Variants in SEMA5B observed in about 807,000 individuals in gnomAD.
The protein encoded by SEMA5B is semaphorin 5B, also known as semaphorin-5B.
Under a neutral mutation model 135.0 loss-of-function variants are expected in SEMA5B, and 66 were observed. That is an observed-to-expected ratio of 0.49 (90% CI 0.40 to 0.60). SEMA5B has a LOEUF of 0.60. Ranked by LOEUF, SEMA5B falls within the 20% of genes least tolerant of loss-of-function variation. The pLI, the probability that SEMA5B is intolerant of heterozygous loss-of-function variation, is 0.00. For synonymous variants in SEMA5B, 690 were observed against 639.5 expected (o/e 1.08, Z -1.19); for missense variants, 1,501 against 1,566.3 (o/e 0.96, Z 0.70).
At chr3:122,940,366 G>C (rs746975309) in intron 4 of SEMA5B, among the ~76,000 whole-genome samples, 1 of 152,216 alleles carries the variant, frequency 6.6e-6, no homozygotes, top group Non-Finnish European at 1.5e-5. Context: ...GTACAATGGG[G>C]AAGTGAATGG....
intron 1 of SEMA5B, among the ~76,000 whole-genome samples, chr3:122,972,196 G>A (rs768333013): frequency 3.9e-5 from 6 of 152,200 alleles, no homozygotes; most frequent in Non-Finnish European, 7.3e-5. Flanking sequence ...GGAATAGGCC[G>A]ACAGTTGGTG....
intron 12 of SEMA5B, among the ~76,000 whole-genome samples, chr3:122,916,104 T>C (rs111885818): frequency 3.9e-4 from 59 of 152,314 alleles, no homozygotes; most frequent in African/African-American, 1.4e-3. Flanking sequence ...CCCAATGAAG[T>C]GGGTACTGTT....
At chr3:122,946,475 G>A (rs1939796339) in intron 3 of SEMA5B, among the ~76,000 whole-genome samples, 1 of 152,124 alleles carries the variant, frequency 6.6e-6, no homozygotes, top group Non-Finnish European at 1.5e-5. Flanking sequence ...GGGGCTTGGA[G>A]GCTGGGGTTG....
chr3:122,912,968 C>CGGGAGCA lies in SEMA5B; in HGVS notation c.2593_2599dup (p.Arg867LeufsTer18), dbSNP rs772450506. On this transcript the variant is annotated frameshift_variant, in exon 18 of 23. Transcript: ENST00000357599. LOFTEE classifies it high-confidence loss of function. ...GACGCGGAAGCCCAGCTCGCAGTCC[C>CGGGAGCA]GGGAGCAGGACGACCACGGGCCCCA... is the stretch of plus-strand genomic sequence containing the variant. 1 of 1,611,742 alleles carries CGGGAGCA rather than the reference C, an allele frequency of 6.2e-7. No homozygotes were observed. Among genetic ancestry groups the CGGGAGCA allele is most frequent in the South Asian group, 1.1e-5 (1 of 90,946 alleles).
intron 1 of SEMA5B, among the ~76,000 whole-genome samples, chr3:122,986,859 A>C (rs1941716491): frequency 6.6e-6 from 1 of 152,176 alleles, no homozygotes. Flanking sequence ...TGCACTTTCC[A>C]TGAGAATGGG....
At chr3:123,017,380 A>G (rs1389464027) in intron 1 of SEMA5B, among the ~76,000 whole-genome samples, 6 of 152,104 alleles carry the variant, frequency 3.9e-5, no homozygotes. Context: ...AGGGAAAGGA[A>G]CTTATACAAA....
chr3:122,951,402 T>C (rs937817228), intron 2 of SEMA5B, among the ~76,000 whole-genome samples: 4 of 152,206 alleles, frequency 2.6e-5, no homozygotes, highest in Non-Finnish European at 4.4e-5. Context: ...ATTATTTTCA[T>C]TTGTGACCAG....
intron 1 of SEMA5B, among the ~76,000 whole-genome samples, chr3:122,978,194 T>A (rs990279478): frequency 4.6e-5 from 7 of 152,230 alleles, no homozygotes; most frequent in Non-Finnish European, 7.3e-5. Context: ...GAACCAGGCC[T>A]GGCCCCACCT....
chr3:122,960,067 G>A (rs901736486), intron 2 of SEMA5B, among the ~76,000 whole-genome samples: 1 of 152,148 alleles, frequency 6.6e-6, no homozygotes, highest in Non-Finnish European at 1.5e-5. Context: ...CAGATATTCA[G>A]TTGCTGCATA....
chr3:122,931,714 G>C (rs2107666304), intron 5 of SEMA5B, among the ~76,000 whole-genome samples: 1 of 152,312 alleles, frequency 6.6e-6, no homozygotes, highest in South Asian at 2.1e-4. Context: ...CTAGGTGTCA[G>C]TGTTGCAATA....
chr3:122,977,707 C>A (rs567692750), intron 1 of SEMA5B, among the ~76,000 whole-genome samples: 375 of 152,324 alleles, frequency 2.5e-3, no homozygotes, highest in African/African-American at 8.9e-3. Flanking sequence ...ATAAAATTAA[C>A]CACCACAGTC....
rs2276782 is a variant in SEMA5B at position 122,913,049 on chromosome 3, A to T, written c.2519T>A (p.Val840Asp). Residue 840 changes from valine to aspartate, a missense_variant, in exon 18 of 23, where the codon GTC (valine) becomes GAC (aspartate). Physicochemically the swap from Val to Asp is radical, Grantham distance 152 (BLOSUM62 -3). Around this residue, in one of 2 missense-constraint regions of SEMA5B, gnomAD observed 927 missense variants for 881.6 expected, o/e 1.05. Coordinates refer to ENST00000357599, the MANE Select transcript of SEMA5B (RefSeq NM_001031702.4). ...GSCDTDALVEVLLRSGSTSPH... is the reference protein window; with the variant it reads ...GSCDTDALVEDLLRSGSTSPH... ...GGAGGTGCTCCCGCTGCGCAGGAGG[A>T]CCTCCACCAGGGCTGCGGAGGGGCT... 0.79 allele frequency: 1,204,088 copies of T among 1,528,772 alleles called. 484,640 individuals carry two copies. The highest frequency in any genetic ancestry group is 0.83 in the Non-Finnish European group (951,117 of 1,139,440). 94.7% of individuals were successfully genotyped at this position (1,528,772 alleles called of 1,614,324 possible). A position where few individuals can be genotyped will look rare whatever the true frequency, so the allele number is the denominator to read the frequency against.
chr3:123,017,987 G>A (rs1302080143), intron 1 of SEMA5B, among the ~76,000 whole-genome samples: 1 of 152,124 alleles, frequency 6.6e-6, no homozygotes, highest in South Asian at 2.1e-4. Flanking sequence ...CTTTTTAGTG[G>A]GTCTGGGGTG....
At chr3:122,975,981 A>G in intron 1 of SEMA5B, 1 of 1,534,338 alleles carries the variant, frequency 6.5e-7, no homozygotes, top group South Asian at 1.2e-5. Flanking sequence ...GAAACTCTTC[A>G]TGTCATGCAC....
At chr3:122,918,643 C>T (rs1938193135) in intron 12 of SEMA5B, among the ~76,000 whole-genome samples, 2 of 152,234 alleles carry the variant, frequency 1.3e-5, no homozygotes, top group South Asian at 4.1e-4. Flanking sequence ...TCAGCTTCCC[C>T]TGCCCTCAAT....
At chr3:122,958,721 G>A (rs1378172383) in intron 2 of SEMA5B, among the ~76,000 whole-genome samples, 1 of 152,190 alleles carries the variant, frequency 6.6e-6, no homozygotes, top group East Asian at 1.9e-4. Context: ...AAGGCAGAGG[G>A]AGGAAAGCCT....
chr3:122,932,585 A>G (rs914880866), intron 5 of SEMA5B, among the ~76,000 whole-genome samples: 2 of 152,112 alleles, frequency 1.3e-5, no homozygotes, highest in Non-Finnish European at 2.9e-5. Flanking sequence ...CATCATGGGA[A>G]CATCTTATCA....
At chr3:122,923,807 C>G in intron 9 of SEMA5B, 55 bp from the exon 10 acceptor site, 1 of 1,602,212 alleles carries the variant, frequency 6.2e-7, no homozygotes, top group Non-Finnish European at 8.5e-7. Flanking sequence ...TGGCACCCTC[C>G]TCATAAACCC....
Position 122,910,018 on chromosome 3 carries a change from C to A in SEMA5B, c.*125G>T, listed in dbSNP as rs1937612690. On this transcript the variant is annotated 3_prime_UTR_variant, in exon 23 of 23. Transcript: ENST00000357599. The stretch of plus-strand genomic sequence containing the variant: ...CTCTCTGAAGCCGGATGGGACCCCC[C>A]ACAGGCAAGGCAGCAAGTTCTTGGC... 6.7e-6 allele frequency: 7 copies of A among 1,041,922 alleles called. No homozygotes were observed. Among genetic ancestry groups the A allele is most frequent in the South Asian group, 3.4e-5 (2 of 59,110 alleles). The allele number at this position is 1,041,922 out of a possible 1,614,324, so 64.5% of individuals were successfully genotyped here. A position where few individuals can be genotyped will look rare whatever the true frequency, so the allele number is the denominator to read the frequency against.
Sources: gnomAD v4.1 joint callset for allele counts (sites outside exome capture counted in the v4.1 genomes callset) on GRCh38, gnomAD v4.1.1 for gene constraint, gnomAD v4.1.1 regional missense constraint, MANE v1.5 for transcripts, NCBI Gene and HGNC (gene_info 2026-07-23, HGNC 2026-07-21) for gene names.